The following CELF2 variants were observed in gnomAD, a reference collection of about 807,000 sequenced individuals.
CELF2 encodes CUG triplet repeat RNA-binding protein 2.
Under a neutral mutation model 62.6 loss-of-function variants are expected in CELF2, and 8 were observed. That is an observed-to-expected ratio of 0.13 (90% confidence interval 0.07 to 0.23). The LOEUF (loss-of-function observed/expected upper bound fraction) is 0.23, where lower values mean the gene tolerates loss of function less well. CELF2 is among the 10% of genes least tolerant of loss of function. CELF2 has a pLI of 1.00. For missense variants in CELF2, 333 were observed against 671.0 expected (o/e 0.50, Z 5.56); for synonymous variants, 258 against 250.0 (o/e 1.03, Z -0.30).
At chr10:10,655,702 A>G in the CELF2 span, among the ~76,000 whole-genome samples, 3 of 127,988 alleles carry the variant, frequency 2.3e-5, no homozygotes, top group East Asian at 6.0e-4. Context: ...CCTTCCTTAC[A>G]CCTTATACAA....
chr10:10,588,524 G>A, the CELF2 span, among the ~76,000 whole-genome samples: 27 of 152,254 alleles, frequency 1.8e-4, no homozygotes, highest in Admixed American at 1.8e-3. Context: ...CACTCTGGCT[G>A]TCACCTCAGG....
chr10:11,115,815 G>A (rs552816430), intron 1 of CELF2, among the ~76,000 whole-genome samples: 1 of 152,260 alleles, frequency 6.6e-6, no homozygotes, highest in Non-Finnish European at 1.5e-5. Flanking sequence ...GGTTGTCAGT[G>A]GTATTAAAAA....
intron 8 of CELF2, among the ~76,000 whole-genome samples, chr10:11,278,847 C>T (rs1050370061): frequency 1.3e-5 from 2 of 152,168 alleles, no homozygotes; most frequent in African/African-American, 2.4e-5. Context: ...GTTAGCCCAC[C>T]GCATGGCCGG....
chr10:11,217,369 A>T lies in CELF2; in HGVS notation c.272-56A>T. Reference sequence around the variant, plus strand: ...TTGTTTGTTCGCCACAGTCTCCATTATATCTAAGCAAAGCATTCACAGAAA... The same window carrying T: ...TTGTTTGTTCGCCACAGTCTCCATTTTATCTAAGCAAAGCATTCACAGAAA... On this transcript the variant is annotated intron_variant, in intron 2 of 12. Coordinates refer to ENST00000633077, the MANE Select transcript of CELF2 (RefSeq NM_001326342.2). This position sits in a 1 kb window ranked among gnomAD's most constrained non-coding sequence, Gnocchi z 5.6. 8.1e-7 allele frequency: 1 copy of T among 1,237,742 alleles called. No individual in the cohort carries two copies. Among genetic ancestry groups the T allele is most frequent in the Non-Finnish European group, 1.2e-6 (1 of 848,622 alleles). The allele number at this position is 1,237,742 out of a possible 1,614,324, so 76.7% of individuals were successfully genotyped here.
At chr10:11,062,400 C>A (rs910862324) in intron 1 of CELF2, among the ~76,000 whole-genome samples, 1 of 152,160 alleles carries the variant, frequency 6.6e-6, no homozygotes, top group Admixed American at 6.5e-5. Context: ...AAATTGAAAA[C>A]CTTCTGGAAA....
In CELF2 at chr10:10,915,674, A is replaced by T. The variant is rs144706714; in HGVS notation, c.54-4290A>T. Among the ~76,000 whole-genome samples, 853 of 152,290 alleles carry T rather than the reference A, an allele frequency of 5.6e-3. 2 individuals are homozygous for T. Among genetic ancestry groups the T allele is most frequent in the Non-Finnish European group, 7.1e-3 (482 of 68,034 alleles). On this transcript the variant is annotated intron_variant, in intron 1 of 13. Transcript: ENST00000636488. ...GGTTTTGAACTCCTGGGCTCAAGCG[A>T]TCCTCCTACCTCAGCCTCCCAAAGT...
At chr10:11,228,980 G>A (rs2136298129) in intron 3 of CELF2, among the ~76,000 whole-genome samples, 1 of 152,318 alleles carries the variant, frequency 6.6e-6, no homozygotes, top group South Asian at 2.1e-4. Flanking sequence ...GAAAGGACCT[G>A]TGCAGGAAAG....
rs886921753 is a variant in CELF2 at position 11,011,303 on chromosome 10, C to T, written c.53+5863C>T. Among the ~76,000 whole-genome samples, 4 of 151,786 alleles carry T rather than the reference C, an allele frequency of 2.6e-5. No homozygotes were observed. In the East Asian group the frequency reaches 7.7e-4, roughly 29 times the overall value. ...ATAGTCTGGGGCCTCAAGCAACTCACAGCACTCATGGAACAAAGAGTAGAC... is the reference window on the plus strand; with the variant it reads ...ATAGTCTGGGGCCTCAAGCAACTCATAGCACTCATGGAACAAAGAGTAGAC... On this transcript the variant is annotated intron_variant, in intron 1 of 12. Coordinates refer to the CELF2 transcript ENST00000416382. This position sits in a 1 kb window ranked among gnomAD's most constrained non-coding sequence, Gnocchi z 4.6.
chr10:10,834,706 AAGCTC>A (rs2058136050), intron 1 of CELF2, among the ~76,000 whole-genome samples: 1 of 152,228 alleles, frequency 6.6e-6, no homozygotes, highest in Non-Finnish European at 1.5e-5. Flanking sequence ...AACAATGAGG[AAGCTC>A]ACGAGAAATC....
intron 1 of CELF2, among the ~76,000 whole-genome samples, chr10:10,872,602 A>G (rs190393899): frequency 6.6e-5 from 10 of 152,300 alleles, no homozygotes; most frequent in Admixed American, 2.6e-4. Context: ...ACAGATAACA[A>G]TGCAAGGCTG....
chr10:10,613,552 A>G, the CELF2 span, among the ~76,000 whole-genome samples: 3 of 152,164 alleles, frequency 2.0e-5, no homozygotes, highest in Non-Finnish European at 4.4e-5. Flanking sequence ...GTGAAATGAT[A>G]TAGTAGTTTT....
intron 2 of CELF2, among the ~76,000 whole-genome samples, chr10:10,927,576 C>T: frequency 6.6e-6 from 1 of 151,996 alleles, no homozygotes; most frequent in Non-Finnish European, 1.5e-5. Flanking sequence ...TACAGGTGTA[C>T]ATCAGCACAC....
the CELF2 span, among the ~76,000 whole-genome samples, chr10:10,738,958 T>A: frequency 6.6e-6 from 1 of 152,182 alleles, no homozygotes; most frequent in Non-Finnish European, 1.5e-5. Context: ...TAGGAGAGAC[T>A]GGGCATGGGG....
chr10:10,892,342 C>T (rs1393142288), intron 1 of CELF2, among the ~76,000 whole-genome samples: 2 of 152,126 alleles, frequency 1.3e-5, no homozygotes, highest in African/African-American at 4.8e-5. Context: ...TTCCAGTGCT[C>T]TACCCTGTGG....
In CELF2 at chr10:11,237,864, A is replaced by G. The variant is rs2072127873; in HGVS notation, c.355-11289A>G. 6.6e-6 allele frequency among the ~76,000 whole-genome samples: 1 copy of G among 152,208 alleles called. No homozygotes were observed. The highest frequency in any genetic ancestry group is 1.5e-5 in the Non-Finnish European group (1 of 68,050). On this transcript the variant is annotated intron_variant, in intron 3 of 12. Transcript: ENST00000633077. This position sits in a 1 kb window ranked among gnomAD's most constrained non-coding sequence, Gnocchi z 4.0. ...CGTTTCTCTTAAAATATGAGAGAAT[A>G]CTGTTTGTCGGTATATGTTATTGAA...
intron 3 of CELF2, among the ~76,000 whole-genome samples, chr10:11,240,668 A>G (rs2073527822): frequency 6.6e-6 from 1 of 152,100 alleles, no homozygotes; most frequent in Non-Finnish European, 1.5e-5. Context: ...AAACCCAAAC[A>G]GTAATTTTTG....
chr10:10,665,464 T>A, the CELF2 span, among the ~76,000 whole-genome samples: 6 of 152,192 alleles, frequency 3.9e-5, no homozygotes, highest in Non-Finnish European at 5.9e-5. Flanking sequence ...AATCTAAACA[T>A]CTTGAATTAC....
At chr10:10,978,169 T>A (rs76206033) in intron 2 of CELF2, among the ~76,000 whole-genome samples, 2,197 of 151,988 alleles carry the variant, frequency 0.014, 51 homozygotes, top group African/African-American at 0.05. Context: ...GATTCAAAAA[T>A]CAAAGCAGAA....
intron 1 of CELF2, among the ~76,000 whole-genome samples, chr10:11,021,531 G>A (rs528666719): frequency 4.0e-4 from 61 of 152,304 alleles, no homozygotes; most frequent in Non-Finnish European, 6.5e-4. Context: ...GCAGTGTGAC[G>A]AGTCCAAGAA....
Sources: gnomAD v4.1 joint callset for allele counts (sites outside exome capture counted in the v4.1 genomes callset) on GRCh38, gnomAD v4.1.1 for gene constraint, Gnocchi (gnomAD v3.1) non-coding constraint, MANE v1.5 for transcripts, NCBI Gene and HGNC (gene_info 2026-07-23, HGNC 2026-07-21) for gene names.